The following PAPPA variants were observed in gnomAD, a reference collection of about 807,000 sequenced individuals.
PAPPA encodes pappalysin-1.
Under a neutral mutation model 164.0 loss-of-function variants are expected in PAPPA, and 60 were observed. That is an observed-to-expected ratio of 0.37 (90% CI 0.30 to 0.45). PAPPA has a LOEUF of 0.45. Among genes scored for constraint, PAPPA ranks in the 20% least tolerant of loss-of-function variants. The pLI is 1.00. For missense variants in PAPPA, 1,782 were observed against 2,087.3 expected (o/e 0.85, Z 2.85); for synonymous variants, 875 against 814.1 (o/e 1.07, Z -1.27).
intron 20 of PAPPA, among the ~76,000 whole-genome samples, 164 bp downstream of exon 20, chr9:116,377,811 T>C (rs1390948409): frequency 6.6e-6 from 1 of 152,212 alleles, no homozygotes; most frequent in Non-Finnish European, 1.5e-5. Context: ...ATTTTACAGA[T>C]GATGGAATTG....
chr9:116,249,098 A>G (rs1844830578), intron 7 of PAPPA, among the ~76,000 whole-genome samples: 2 of 152,234 alleles, frequency 1.3e-5, no homozygotes, highest in Non-Finnish European at 2.9e-5. Context: ...TAGGCAGTGA[A>G]GATAAACCAG....
intron 7 of PAPPA, among the ~76,000 whole-genome samples, chr9:116,258,486 G>C (rs1029239945): frequency 6.6e-6 from 1 of 151,840 alleles, no homozygotes; most frequent in African/African-American, 2.4e-5. Context: ...GAGAAACCCT[G>C]TCTCTATTAA....
chr9:116,297,553 C>G (rs1845524794), intron 9 of PAPPA, among the ~76,000 whole-genome samples: 1 of 152,212 alleles, frequency 6.6e-6, no homozygotes, highest in Admixed American at 6.5e-5. Context: ...CCCAAAGTTT[C>G]TAATTCAGCT....
intron 1 of PAPPA, among the ~76,000 whole-genome samples, chr9:116,170,272 T>C (rs1843761748): frequency 6.6e-6 from 1 of 152,186 alleles, no homozygotes; most frequent in South Asian, 2.1e-4. Flanking sequence ...TGTTGAGTTG[T>C]CATATCAGAC....
At chr9:116,288,440 TCCCTC>T (rs1845370261) in intron 9 of PAPPA, among the ~76,000 whole-genome samples, 1 of 28,256 alleles carries the variant, frequency 3.5e-5, no homozygotes, top group Non-Finnish European at 7.8e-5. Flanking sequence ...CCTCCCTCCC[TCCCTC>T]CCTTCCTTCC....
At chr9:116,313,791 TA>T (rs1210269358) in intron 10 of PAPPA, among the ~76,000 whole-genome samples, 1 of 152,176 alleles carries the variant, frequency 6.6e-6, no homozygotes. Context: ...TTTAATTCGT[TA>T]AATTTAAATA....
chr9:116,354,651 C>A (rs1846328921), intron 17 of PAPPA, among the ~76,000 whole-genome samples: 1 of 152,192 alleles, frequency 6.6e-6, no homozygotes. Context: ...CATTCTCCCA[C>A]AACAGCATCT....
chr9:116,206,035 C>G (rs1299402756), intron 2 of PAPPA, among the ~76,000 whole-genome samples: 1 of 152,174 alleles, frequency 6.6e-6, no homozygotes, highest in East Asian at 1.9e-4. Flanking sequence ...TTGGCTGTCT[C>G]CTTCCTCGTT....
chr9:116,393,060 A>T (rs116467108), intron 21 of PAPPA, among the ~76,000 whole-genome samples: 102 of 152,232 alleles, frequency 6.7e-4, no homozygotes, highest in African/African-American at 2.3e-3. Context: ...GAAAAAGGTG[A>T]CACCACCCCA....
intron 10 of PAPPA, among the ~76,000 whole-genome samples, chr9:116,322,841 TGTTA>T (rs1845876447): frequency 6.6e-6 from 1 of 152,154 alleles, no homozygotes; most frequent in Non-Finnish European, 1.5e-5. Flanking sequence ...TTATGGGTAC[TGTTA>T]GTGTCAGTAT....
At chr9:116,204,198 A>G (rs1844204812) in intron 2 of PAPPA, among the ~76,000 whole-genome samples, 1 of 152,196 alleles carries the variant, frequency 6.6e-6, no homozygotes, top group South Asian at 2.1e-4. Flanking sequence ...GTCCACAGAT[A>G]TAGGTCTATC....
At chr9:116,237,921 G>A (rs1409853035) in intron 7 of PAPPA, among the ~76,000 whole-genome samples, 1 of 151,856 alleles carries the variant, frequency 6.6e-6, no homozygotes, top group Non-Finnish European at 1.5e-5. Flanking sequence ...GGTTTTGCCA[G>A]GTTGGCCAGG....
intron 10 of PAPPA, among the ~76,000 whole-genome samples, chr9:116,325,406 A>G (rs1003864695): frequency 6.6e-6 from 1 of 152,196 alleles, no homozygotes. Flanking sequence ...CATTCAGTAC[A>G]ACTGCAGAGG....
In PAPPA at chr9:116,227,562, C is replaced by T. The variant is rs371957337; in HGVS notation, c.2233+10C>T. On this transcript the variant is annotated intron_variant, in intron 6 of 21. Transcript: ENST00000328252. ...CCTCGTGAAGCAGAAGGTAAGCCAG[C>T]CTTCTGGAAGCTCATTGACAGGAGG... 3 of 1,613,626 alleles carry T rather than the reference C, an allele frequency of 1.9e-6. No homozygotes were observed. The Admixed American group carries it at 5.0e-5, about 27-fold the overall frequency.
chr9:116,361,839 A>G (rs1384291348), intron 17 of PAPPA, among the ~76,000 whole-genome samples: 1 of 152,216 alleles, frequency 6.6e-6, no homozygotes, highest in Non-Finnish European at 1.5e-5. Context: ...TACTTGAATT[A>G]GCTTTCTGAA....
At chr9:116,310,411 T>A (rs1302327815) in intron 10 of PAPPA, among the ~76,000 whole-genome samples, 3 of 152,226 alleles carry the variant, frequency 2.0e-5, no homozygotes, top group African/African-American at 7.2e-5. Flanking sequence ...GCAAGTCATC[T>A]AAGGAGACAG....
chr9:116,332,463 A>T lies in PAPPA; in HGVS notation c.3392A>T (p.Asp1131Val). 1 of 1,612,656 alleles carries T rather than the reference A, an allele frequency of 6.2e-7. No homozygotes were observed. Among genetic ancestry groups the T allele is most frequent in the South Asian group, 1.1e-5 (1 of 90,942 alleles). The change falls in exon 12 of 22, where the codon GAT becomes GTT. Residue 1131 changes from aspartate to valine, a missense_variant. Physicochemically the swap from Asp to Val is radical, Grantham distance 152 (BLOSUM62 -3). This residue lies in a region of PAPPA where 1,324 missense variants were observed against 1,656.9 expected (regional missense o/e 0.80). Coordinates refer to ENST00000328252, the MANE Select transcript of PAPPA (RefSeq NM_002581.5). ...CTTGATACCAAAGATCAGAGCCACG[A>T]TCTAGGTAAGCATGCTCTCTTGGTC... Reference protein sequence around the residue: ...QLLDTKDQSHDLGLHVLSCRN... With the variant: ...QLLDTKDQSHVLGLHVLSCRN...
intron 5 of PAPPA, among the ~76,000 whole-genome samples, chr9:116,224,519 C>G (rs924727121): frequency 1.3e-5 from 2 of 152,068 alleles, no homozygotes; most frequent in Non-Finnish European, 2.9e-5. Flanking sequence ...TCATTTCTCC[C>G]AAAGATGGTA....
chr9:116,312,654 T>C (rs1845735109), intron 10 of PAPPA, among the ~76,000 whole-genome samples: 1 of 152,210 alleles, frequency 6.6e-6, no homozygotes, highest in Non-Finnish European at 1.5e-5. Flanking sequence ...TTGTTTTTGT[T>C]TGTCTTTCAA....
Sources: gnomAD v4.1 joint callset for allele counts (sites outside exome capture counted in the v4.1 genomes callset) on GRCh38, gnomAD v4.1.1 for gene constraint, gnomAD v4.1.1 regional missense constraint, MANE v1.5 for transcripts, NCBI Gene and HGNC (gene_info 2026-07-23, HGNC 2026-07-21) for gene names.